BANP: variants seen among roughly 807,000 people sequenced by gnomAD.
BANP encodes protein BANP.
BANP carries 11 observed loss-of-function variants against 68.1 expected under a neutral mutation model. The ratio of observed to expected loss-of-function variants is 0.16; its 90% CI spans 0.10 to 0.27. The LOEUF (loss-of-function observed/expected upper bound fraction) is 0.27, where lower values mean the gene tolerates loss of function less well. Ranked by LOEUF, BANP falls within the 10% of genes least tolerant of loss-of-function variation. The probability of loss-of-function intolerance (pLI) is 1.00; values close to 1 mark genes in which losing one functional copy is unlikely to be tolerated. For synonymous variants in BANP, 329 were observed against 303.2 expected (o/e 1.09, Z -0.88); for missense variants, 504 against 722.7 (o/e 0.70, Z 3.47).
chr16:88,006,411 C>T, intron 6 of BANP, 146 bp downstream of exon 6: 2 of 963,596 alleles, frequency 2.1e-6, no homozygotes, highest in Non-Finnish European at 3.0e-6. Context: ...CTTTGGGAGG[C>T]TGAGGCGGGC....
chr16:88,044,129 C>G (rs2081416212), intron 11 of BANP, among the ~76,000 whole-genome samples: 1 of 152,222 alleles, frequency 6.6e-6, no homozygotes. Context: ...TGCTGTGTGA[C>G]CTGGGCAGAC....
intron 1 of BANP, among the ~76,000 whole-genome samples, chr16:87,964,662 C>T (rs557013284): frequency 1.3e-4 from 20 of 152,280 alleles, no homozygotes; most frequent in East Asian, 3.9e-4. Context: ...ACGCCTTGAG[C>T]GCTCTTTATC....
In BANP at chr16:88,072,095, C is replaced by T. The variant is rs748427088; in HGVS notation, c.1404C>T (p.Ala468=). 3.8e-5 allele frequency: 60 copies of T among 1,595,568 alleles called. No individual in the cohort carries two copies. Among genetic ancestry groups the T allele is most frequent in the Admixed American group, 1.1e-4 (6 of 56,876 alleles). The part of the protein sequence containing the change: ...GQVLQGAQLI[A]VASSDPAAAG... ...TGCTGCAGGGTGCACAGCTGATCGC[C>T]GTGGCCTCCTCGGACCCCGCGGCGG... is the stretch of plus-strand genomic sequence containing the variant. Residue 468 remains alanine, a synonymous_variant, in exon 13 of 14, where the codon GCC becomes GCT. Transcript: ENST00000682872.
In BANP at chr16:88,030,610, A is replaced by G. The variant is rs148969538; in HGVS notation, c.1064-2499A>G. ...CATTAGGATACCAGAATCTTGAAAG[A>G]GTACATTTAATGAGCTGAAATGTCA... On this transcript the variant is annotated intron_variant, in intron 8 of 13. Transcript: ENST00000682872. Among the ~76,000 whole-genome samples the G allele has an allele frequency of 4.6e-3, 703 of 152,376 alleles. 4 individuals carry two copies. Among genetic ancestry groups the G allele is most frequent in the Admixed American group, 7.3e-3 (112 of 15,304 alleles).
rs571813555 is a variant in BANP, at chr16:88,027,826, G to T, written c.1063+176G>T. On this transcript the variant is annotated intron_variant, in intron 8 of 13. Transcript: ENST00000682872. The stretch of plus-strand genomic sequence containing the variant: ...AGCCGCAGGACCTGTGCCTGGCCCC[G>T]TGCGCCCTTCACACGGACAGCCTCG... 1.8e-3 allele frequency among the ~76,000 whole-genome samples: 281 copies of T among 152,360 alleles called. 2 individuals carry two copies. The highest frequency in any genetic ancestry group is 3.3e-3 in the Admixed American group (51 of 15,314).
At chr16:87,973,294 C>T (rs1471065346) in intron 1 of BANP, among the ~76,000 whole-genome samples, 1 of 151,720 alleles carries the variant, frequency 6.6e-6, no homozygotes, top group Non-Finnish European at 1.5e-5. Context: ...ATTGATGTTT[C>T]CTCAGTTCAT....
chr16:87,954,000 T>C (rs1221046631), intron 1 of BANP, among the ~76,000 whole-genome samples: 1 of 152,212 alleles, frequency 6.6e-6, no homozygotes, highest in Admixed American at 6.5e-5. Flanking sequence ...TTGTGTGTGC[T>C]GAGGTGTGTG....
At position 87,984,309 on chromosome 16, in the gene BANP, G is replaced by A. The variant is rs137943095; in HGVS notation, c.362+50G>A. ...GCCTTCAGGTCACTTGGGGAGAAGCGCGTCACCTCCTCGCCCAGGCCCGCA... is the reference window on the plus strand; with the variant it reads ...GCCTTCAGGTCACTTGGGGAGAAGCACGTCACCTCCTCGCCCAGGCCCGCA... On this transcript the variant is annotated intron_variant, in intron 4 of 13. Coordinates refer to ENST00000682872, the MANE Select transcript of BANP (RefSeq NM_001386991.1). The A allele has an allele frequency of 7.3e-4, 1,065 of 1,453,826 alleles. 5 individuals are homozygous for A. In the African/African-American group the frequency reaches 0.013, roughly 18 times the overall value. The allele number at this position is 1,453,826 out of a possible 1,614,324, so 90.1% of individuals were successfully genotyped here.
intron 4 of BANP, among the ~76,000 whole-genome samples, chr16:87,987,632 G>C (rs1357183916): frequency 6.9e-6 from 1 of 144,048 alleles, no homozygotes; most frequent in Non-Finnish European, 1.5e-5. Context: ...GAGGTGGGAG[G>C]ATTGCTTGAG....
At chr16:87,967,375 TG>T (rs2060229745) in intron 1 of BANP, among the ~76,000 whole-genome samples, 1 of 151,142 alleles carries the variant, frequency 6.6e-6, no homozygotes, top group African/African-American at 2.4e-5. Flanking sequence ...CCCGAAGTGC[TG>T]GGATTACAAA....
intron 11 of BANP, among the ~76,000 whole-genome samples, chr16:88,063,940 C>G (rs981876421): frequency 1.3e-5 from 2 of 151,884 alleles, no homozygotes; most frequent in African/African-American, 4.8e-5. Flanking sequence ...TCATGACTTT[C>G]AAATGTTTCT....
chr16:87,986,816 A>G (rs1323323405), intron 4 of BANP, among the ~76,000 whole-genome samples: 1 of 152,192 alleles, frequency 6.6e-6, no homozygotes, highest in Non-Finnish European at 1.5e-5. Flanking sequence ...ACTGACTCAG[A>G]TGCACAATCC....
At chr16:88,014,785 G>A (rs923740786) in intron 6 of BANP, among the ~76,000 whole-genome samples, 48 of 152,010 alleles carry the variant, frequency 3.2e-4, no homozygotes, top group East Asian at 1.7e-3. Flanking sequence ...TGCCTGCCTC[G>A]GGTCCTCTGT....
intron 11 of BANP, among the ~76,000 whole-genome samples, 197 bp downstream of exon 11, chr16:88,038,208 C>T (rs546566316): frequency 6.6e-6 from 1 of 152,182 alleles, no homozygotes; most frequent in African/African-American, 2.4e-5. Flanking sequence ...GTGGGGCTCT[C>T]ATGGGAAGGG....
chr16:87,978,465 T>G, intron 2 of BANP: 1 of 340,918 alleles, frequency 2.9e-6, no homozygotes, highest in Non-Finnish European at 6.1e-6. Context: ...CGGTTTCCAG[T>G]GAGAGTAGAG....
In BANP at chr16:88,064,246, C is replaced by A. The variant is rs545803392; in HGVS notation, c.1312-1021C>A. On this transcript the variant is annotated intron_variant, in intron 11 of 13. Coordinates refer to ENST00000682872, the MANE Select transcript of BANP (RefSeq NM_001386991.1). The surrounding 1 kb of genome is among the most constrained non-coding windows in gnomAD (Gnocchi z 4.5). ...GACAGCGAGGCGGTGGATGTTGAGG[C>A]AGTTGTGCGTCCACGGCGGGGCCTG... 6.6e-6 allele frequency among the ~76,000 whole-genome samples: 1 copy of A among 152,202 alleles called. No homozygotes were observed. Among genetic ancestry groups the A allele is most frequent in the East Asian group, 1.9e-4 (1 of 5,158 alleles).
intron 1 of BANP, among the ~76,000 whole-genome samples, chr16:87,970,813 G>A (rs956164366): frequency 2.0e-5 from 3 of 152,118 alleles, no homozygotes; most frequent in Non-Finnish European, 4.4e-5. Context: ...GAGGTCGGGA[G>A]TTTGAGACCA....
chr16:87,964,177 A>G (rs951633419), intron 1 of BANP, among the ~76,000 whole-genome samples: 1 of 152,246 alleles, frequency 6.6e-6, no homozygotes, highest in Non-Finnish European at 1.5e-5. Flanking sequence ...GTTTTTAAAT[A>G]GCATTTCTGA....
intron 9 of BANP, among the ~76,000 whole-genome samples, chr16:88,034,090 CTCTCA>C (rs1015979472): frequency 1.3e-5 from 2 of 152,204 alleles, no homozygotes; most frequent in African/African-American, 4.8e-5. Context: ...TGGGGCGTGG[CTCTCA>C]TCTCAGTGTG....
Sources: gnomAD v4.1 joint callset for allele counts (sites outside exome capture counted in the v4.1 genomes callset) on GRCh38, gnomAD v4.1.1 for gene constraint, Gnocchi (gnomAD v3.1) non-coding constraint, MANE v1.5 for transcripts, NCBI Gene and HGNC (gene_info 2026-07-23, HGNC 2026-07-21) for gene names.